LRRFIP1: variants seen among roughly 807,000 people sequenced by gnomAD.
LRRFIP1 encodes the protein leucine-rich repeat flightless-interacting protein 1.
In LRRFIP1, 62 loss-of-function variants were observed where a neutral mutation model predicts 104.4. The observed-to-expected ratio is 0.59, with a 90% CI of 0.48 to 0.73. The LOEUF is 0.73. Among genes scored for constraint, LRRFIP1 ranks in the 30% least tolerant of loss-of-function variants. The probability of loss-of-function intolerance (pLI) is 0.00; values close to 1 mark genes in which losing one functional copy is unlikely to be tolerated. For synonymous variants in LRRFIP1, 300 were observed against 299.0 expected (o/e 1.00, Z -0.03); for missense variants, 796 against 824.5 (o/e 0.97, Z 0.42).
chr2:237,686,532 A>G (rs1483800139), intron 1 of LRRFIP1, among the ~76,000 whole-genome samples: 1 of 152,228 alleles, frequency 6.6e-6, no homozygotes, highest in African/African-American at 2.4e-5. Context: ...GGCACCTACC[A>G]TGTTCCAAGC....
At chr2:237,770,388 A>G (rs2060514514) in intron 20 of LRRFIP1, 1 of 182,556 alleles carries the variant, frequency 5.5e-6, no homozygotes, top group African/African-American at 2.4e-5. Flanking sequence ...TTTGTCCATA[A>G]AAGTCAGTTT....
intron 1 of LRRFIP1, among the ~76,000 whole-genome samples, chr2:237,651,818 T>TA (rs1434131902): frequency 6.6e-6 from 1 of 152,266 alleles, no homozygotes; most frequent in Non-Finnish European, 1.5e-5. Flanking sequence ...GTAATCAATA[T>TA]AAAAAATTGT....
chr2:237,643,735 G>GATGA (rs58632926), intron 1 of LRRFIP1, among the ~76,000 whole-genome samples: 53,282 of 151,432 alleles, frequency 0.35, 9,616 homozygotes, highest in East Asian at 0.42. Flanking sequence ...TACAGGAACA[G>GATGA]ATGAATGAAT....
chr2:237,765,377 A>G, intron 19 of LRRFIP1: 1 of 625,172 alleles, frequency 1.6e-6, no homozygotes, highest in African/African-American at 2.0e-5. Context: ...TCAAGGCTGC[A>G]GTGAGCTATG....
chr2:237,736,345 A>G (rs938554344), intron 10 of LRRFIP1, among the ~76,000 whole-genome samples: 1 of 152,238 alleles, frequency 6.6e-6, no homozygotes, highest in African/African-American at 2.4e-5. Flanking sequence ...TATTTTTCCC[A>G]GTTGGTAAAC....
intron 1 of LRRFIP1, 71 bp from the exon 2 acceptor site, chr2:237,708,473 A>G: frequency 8.7e-7 from 1 of 1,153,462 alleles, no homozygotes; most frequent in Non-Finnish European, 1.2e-6. Flanking sequence ...TTTCCGCATC[A>G]TCACTGCTGA....
chr2:237,681,214 C>T (rs954988009), intron 1 of LRRFIP1, among the ~76,000 whole-genome samples: 42 of 152,122 alleles, frequency 2.8e-4, no homozygotes, highest in Admixed American at 2.4e-3. Context: ...CCTTAACCTG[C>T]GTACTGTAAA....
At chr2:237,658,922 A>G (rs1277783076) in intron 1 of LRRFIP1, among the ~76,000 whole-genome samples, 2 of 150,502 alleles carry the variant, frequency 1.3e-5, no homozygotes, top group Admixed American at 6.6e-5. Context: ...GTATGAAAAT[A>G]TTATAAGTCT....
At chr2:237,698,394 G>C (rs1221214031) in intron 1 of LRRFIP1, among the ~76,000 whole-genome samples, 1 of 152,214 alleles carries the variant, frequency 6.6e-6, no homozygotes, top group Non-Finnish European at 1.5e-5. Flanking sequence ...TGGGTCTTCA[G>C]ACTCCTTTCT....
intron 19 of LRRFIP1, chr2:237,762,922 T>C (rs1309693565): frequency 1.2e-6 from 2 of 1,613,936 alleles, no homozygotes; most frequent in Non-Finnish European, 1.7e-6. Flanking sequence ...GGACCAGAAC[T>C]CCCCTTGAGC....
intron 19 of LRRFIP1, chr2:237,764,913 G>A: frequency 1.0e-6 from 1 of 985,624 alleles, no homozygotes; most frequent in Non-Finnish European, 1.2e-6. Context: ...TTCTGGAAGT[G>A]ATATATGTCA....
At chr2:237,725,874 A>G (rs1246350492) in intron 7 of LRRFIP1, among the ~76,000 whole-genome samples, 1 of 152,246 alleles carries the variant, frequency 6.6e-6, no homozygotes, top group Non-Finnish European at 1.5e-5. Context: ...CCACAGAGCT[A>G]TGTATTTCAT....
intron 13 of LRRFIP1, 59 bp from the exon 14 acceptor site, chr2:237,751,141 A>T: frequency 8.2e-7 from 1 of 1,216,524 alleles, no homozygotes; most frequent in Non-Finnish European, 1.2e-6. Context: ...AGTATAAAAG[A>T]TTTAGGGAAT....
At chr2:237,663,709 G>C (rs964550872) in intron 1 of LRRFIP1, among the ~76,000 whole-genome samples, 1 of 152,238 alleles carries the variant, frequency 6.6e-6, no homozygotes, top group Non-Finnish European at 1.5e-5. Flanking sequence ...GTGATGTTGC[G>C]TTATCACTCA....
chr2:237,763,426 C>T, intron 19 of LRRFIP1: 2 of 1,613,324 alleles, frequency 1.2e-6, no homozygotes, highest in South Asian at 1.1e-5. Context: ...AGACAAAGAA[C>T]AAGAAAAAGA....
At chr2:237,653,196 T>A (rs980801878) in intron 1 of LRRFIP1, among the ~76,000 whole-genome samples, 2 of 152,106 alleles carry the variant, frequency 1.3e-5, no homozygotes, top group Non-Finnish European at 2.9e-5. Flanking sequence ...ACTGTTTATA[T>A]CAGTGTGAGA....
chr2:237,699,892 C>T (rs1290147040), intron 1 of LRRFIP1, among the ~76,000 whole-genome samples: 5 of 152,232 alleles, frequency 3.3e-5, no homozygotes, highest in African/African-American at 1.2e-4. Context: ...AACGATCGTT[C>T]TCACAGTCAT....
At position 237,757,545 on chromosome 2, in the gene LRRFIP1, A is replaced by G. The variant is rs753844912; in HGVS notation, c.1221A>G (p.Ile407Met). The change falls in exon 17 of 24, where the codon ATA (isoleucine) becomes ATG (methionine). Residue 407 changes from isoleucine to methionine, a missense_variant. Coordinates refer to ENST00000308482, the MANE Select transcript of LRRFIP1 (RefSeq NM_001137550.2). Reference protein sequence around the residue: ...QETIEWKDKKIGALERQKEFF... With the variant: ...QETIEWKDKKMGALERQKEFF... ...CAATAGAGTGGAAAGACAAAAAGAT[A>G]GGGGTAGGATTCCCAAGTCTTGAAA... The G allele has an allele frequency of 6.4e-6, 10 of 1,571,064 alleles. No individual in the cohort carries two copies. The highest frequency in any genetic ancestry group is 8.6e-6 in the Non-Finnish European group (10 of 1,156,136).
At chr2:237,665,534 TG>T (rs1460312057) in intron 1 of LRRFIP1, among the ~76,000 whole-genome samples, 5 of 152,208 alleles carry the variant, frequency 3.3e-5, no homozygotes, top group African/African-American at 7.2e-5. Flanking sequence ...TATTTAAAAT[TG>T]GGGTTTTATT....
Sources: allele counts gnomAD v4.1 joint callset (sites outside exome capture counted in the v4.1 genomes callset), GRCh38; gene constraint gnomAD v4.1.1; transcripts MANE v1.5; gene names NCBI Gene and HGNC (gene_info 2026-07-23, HGNC 2026-07-21).